The following MAGI2 variants were observed in gnomAD, a reference collection of about 807,000 sequenced individuals.
MAGI2 encodes the protein membrane-associated guanylate kinase, WW and PDZ domain-containing protein 2.
Under a neutral mutation model 133.3 loss-of-function variants are expected in MAGI2, and 35 were observed. That is an observed-to-expected ratio of 0.26 (90% confidence interval 0.20 to 0.35). MAGI2 has a LOEUF of 0.35. Ranked by LOEUF, MAGI2 falls within the 10% of genes least tolerant of loss-of-function variation. MAGI2 has a pLI of 1.00. For synonymous variants in MAGI2, 729 were observed against 710.6 expected (o/e 1.03, Z -0.41); for missense variants, 1,636 against 1,863.4 (o/e 0.88, Z 2.25).
intron 2 of MAGI2, among the ~76,000 whole-genome samples, chr7:78,741,376 AACACACACAC>A (rs55784786): frequency 0.13 from 15,763 of 117,380 alleles, 1,205 homozygotes; most frequent in African/African-American, 0.15. Context: ...AAAAAGTTGA[AACACACACAC>A]ACACACACAC....
At chr7:78,296,180 T>C (rs1562775127) in intron 9 of MAGI2, among the ~76,000 whole-genome samples, 3 of 152,194 alleles carry the variant, frequency 2.0e-5, no homozygotes, top group Admixed American at 2.0e-4. Context: ...TTTATTATTT[T>C]ATTCCTCTGC....
intron 10 of MAGI2, among the ~76,000 whole-genome samples, chr7:78,205,974 A>G (rs1204956419): frequency 6.6e-6 from 1 of 152,164 alleles, no homozygotes; most frequent in Non-Finnish European, 1.5e-5. Flanking sequence ...TAGTGCCACA[A>G]AAGGCCATTT....
intron 1 of MAGI2, among the ~76,000 whole-genome samples, chr7:79,123,842 T>G (rs1407220346): frequency 6.6e-6 from 1 of 151,334 alleles, no homozygotes; most frequent in East Asian, 1.9e-4. Context: ...TTTCATCATC[T>G]GTAACGTGGT....
chr7:78,394,419 G>A (rs938803186), intron 6 of MAGI2, among the ~76,000 whole-genome samples: 4 of 152,036 alleles, frequency 2.6e-5, no homozygotes, highest in Non-Finnish European at 5.9e-5. Flanking sequence ...CCATGGTCAC[G>A]TCTTCCCCAG....
At chr7:79,416,423 A>G (rs1237675015) in intron 1 of MAGI2, among the ~76,000 whole-genome samples, 1 of 152,102 alleles carries the variant, frequency 6.6e-6, no homozygotes, top group Non-Finnish European at 1.5e-5. Flanking sequence ...TTTACAAAAC[A>G]TCTTTAAGAT....
At chr7:79,232,753 T>C (rs1831490591) in intron 1 of MAGI2, among the ~76,000 whole-genome samples, 1 of 122,778 alleles carries the variant, frequency 8.1e-6, no homozygotes, top group Non-Finnish European at 1.7e-5. Context: ...AGCTCCTGGA[T>C]TCATTAATTT....
At chr7:78,411,055 A>G (rs1797828865) in intron 6 of MAGI2, among the ~76,000 whole-genome samples, 1 of 152,084 alleles carries the variant, frequency 6.6e-6, no homozygotes, top group South Asian at 2.1e-4. Context: ...ACTATACATT[A>G]TTGTTACAAA....
At chr7:78,138,450 C>A (rs563464302) in intron 16 of MAGI2, among the ~76,000 whole-genome samples, 1 of 152,246 alleles carries the variant, frequency 6.6e-6, no homozygotes, top group South Asian at 2.1e-4. Context: ...GAAGTAATTT[C>A]TTTGGGTTTT....
At chr7:78,066,527 GA>G (rs143483402) in intron 21 of MAGI2, among the ~76,000 whole-genome samples, 17 of 150,524 alleles carry the variant, frequency 1.1e-4, no homozygotes, top group South Asian at 4.2e-4. Context: ...AAATAAAGCT[GA>G]AAAAAAAATG....
chr7:78,270,099 G>T (rs1019204268), intron 9 of MAGI2, among the ~76,000 whole-genome samples: 1 of 152,184 alleles, frequency 6.6e-6, no homozygotes, highest in East Asian at 1.9e-4. Context: ...TATTTCTGGG[G>T]CCTCTGTTCT....
rs896144401 is a variant in MAGI2, at chr7:78,860,935, C to G, written c.418+146155G>C. 3.3e-5 allele frequency among the ~76,000 whole-genome samples: 5 copies of G among 152,170 alleles called. No homozygotes were observed. The South Asian group carries it at 1.0e-3, about 32-fold the overall frequency. ...CAGCTTTGTTTACCTACTCAAGCCT[C>G]AGCAATGGCGGGCACCCCTCCCCAA... On this transcript the variant is annotated intron_variant, in intron 2 of 21. Coordinates refer to ENST00000354212, the MANE Select transcript of MAGI2 (RefSeq NM_012301.4).
chr7:78,597,538 GA>G (rs2150867045), intron 3 of MAGI2, among the ~76,000 whole-genome samples: 1 of 135,228 alleles, frequency 7.4e-6, no homozygotes, highest in East Asian at 2.0e-4. Context: ...TTCAATGAAA[GA>G]GCCCAGGCAA....
intron 3 of MAGI2, among the ~76,000 whole-genome samples, chr7:78,573,367 T>A (rs1397486196): frequency 0.095 from 730 of 7,654 alleles, 38 homozygotes; most frequent in Non-Finnish European, 0.14. Flanking sequence ...ATCCTGGAAA[T>A]ATATATATAT....
chr7:78,565,801 A>G (rs1245967475), intron 3 of MAGI2, among the ~76,000 whole-genome samples: 1 of 152,202 alleles, frequency 6.6e-6, no homozygotes, highest in African/African-American at 2.4e-5. Context: ...TGAATTAAGA[A>G]AAATGGAAAA....
At chr7:78,521,960 AT>A (rs1377589929) in intron 3 of MAGI2, among the ~76,000 whole-genome samples, 1 of 152,174 alleles carries the variant, frequency 6.6e-6, no homozygotes, top group Admixed American at 6.6e-5. Flanking sequence ...AATTATCCGA[AT>A]TTTTTATAAC....
At chr7:79,075,874 A>C (rs1189296329) in intron 1 of MAGI2, among the ~76,000 whole-genome samples, 3 of 152,208 alleles carry the variant, frequency 2.0e-5, no homozygotes, top group Non-Finnish European at 2.9e-5. Flanking sequence ...ACACCACATA[A>C]ATTGTTAAAA....
intron 20 of MAGI2, among the ~76,000 whole-genome samples, chr7:78,121,000 C>CAA (rs67572219): frequency 0.23 from 17,626 of 75,082 alleles, 2,695 homozygotes; most frequent in African/African-American, 0.28. Context: ...GACTCCGTCT[C>CAA]AAAAAAAAAA....
intron 2 of MAGI2, among the ~76,000 whole-genome samples, chr7:78,706,861 A>AG (rs1232384132): frequency 6.6e-6 from 1 of 152,036 alleles, no homozygotes; most frequent in East Asian, 1.9e-4. Flanking sequence ...AATAGCAGTA[A>AG]GGGAAAAAAA....
At chr7:78,540,025 G>A (rs1236941884) in intron 3 of MAGI2, among the ~76,000 whole-genome samples, 1 of 152,220 alleles carries the variant, frequency 6.6e-6, no homozygotes, top group Non-Finnish European at 1.5e-5. Flanking sequence ...CCTCCAGCCA[G>A]GAGGTGGCGC....
Sources: gnomAD v4.1 joint callset for allele counts (sites outside exome capture counted in the v4.1 genomes callset) on GRCh38, gnomAD v4.1.1 for gene constraint, MANE v1.5 for transcripts, NCBI Gene and HGNC (gene_info 2026-07-23, HGNC 2026-07-21) for gene names.